Variants in YES1 observed in about 807,000 individuals in gnomAD.
YES1 encodes the protein tyrosine-protein kinase Yes.
A neutral mutation model predicts 70.4 loss-of-function variants in YES1; 39 were observed. The ratio of observed to expected loss-of-function variants is 0.55; its 90% CI spans 0.43 to 0.72. The LOEUF (loss-of-function observed/expected upper bound fraction) is 0.72. Among genes scored for constraint, YES1 ranks in the 30% least tolerant of loss-of-function variants. The probability of loss-of-function intolerance (pLI) is 0.00; values close to 1 mark genes in which losing one functional copy is unlikely to be tolerated. For missense variants in YES1, 495 were observed against 644.8 expected (o/e 0.77, Z 2.52); for synonymous variants, 198 against 218.6 (o/e 0.91, Z 0.83).
At chr18:759,899 C>G (rs11081341) in intron 1 of YES1, among the ~76,000 whole-genome samples, 15,061 of 145,876 alleles carry the variant, frequency 0.1, 891 homozygotes, top group East Asian at 0.28. Context: ...ATGATGTTCC[C>G]CTTCCTGTGT....
chr18:787,687 G>A (rs928551144), intron 1 of YES1, among the ~76,000 whole-genome samples: 1 of 151,766 alleles, frequency 6.6e-6, no homozygotes, highest in African/African-American at 2.4e-5. Flanking sequence ...TTCAGCCTGG[G>A]CAACAGAGTG....
At chr18:782,362 G>GC (rs1241824164) in intron 1 of YES1, among the ~76,000 whole-genome samples, 5 of 152,096 alleles carry the variant, frequency 3.3e-5, no homozygotes, top group African/African-American at 1.2e-4. Context: ...TGGATCAGCC[G>GC]CCTCCCTCTG....
intron 11 of YES1, among the ~76,000 whole-genome samples, chr18:727,388 T>C (rs2080033248): frequency 6.6e-6 from 1 of 152,224 alleles, no homozygotes; most frequent in Non-Finnish European, 1.5e-5. Flanking sequence ...ATAGTATTTG[T>C]GTATGTGTTT....
chr18:772,084 A>AGTG (rs2145779815), intron 1 of YES1, among the ~76,000 whole-genome samples: 2 of 152,198 alleles, frequency 1.3e-5, no homozygotes, highest in Admixed American at 1.3e-4. Context: ...GCTGGAGTGC[A>AGTG]ATGCCACGAT....
chr18:770,191 G>A (rs988234569), intron 1 of YES1, among the ~76,000 whole-genome samples: 5 of 151,450 alleles, frequency 3.3e-5, no homozygotes, highest in Admixed American at 2.0e-4. Flanking sequence ...ATCTCCTGAC[G>A]TCGTGATCTG....
chr18:751,841 G>A, intron 2 of YES1, 37 bp from the exon 3 acceptor site: 4 of 1,185,148 alleles, frequency 3.4e-6, no homozygotes, highest in South Asian at 1.3e-5. Context: ...AAATTATGTA[G>A]CTAACTTAAC....
At chr18:788,039 T>C (rs1029747587) in intron 1 of YES1, 2 of 152,228 alleles carry the variant, frequency 1.3e-5, no homozygotes, top group Admixed American at 6.5e-5. Flanking sequence ...GCACGCTGAC[T>C]GTTTCCAGCC....
In YES1 at chr18:723,472, G is replaced by A. The variant is rs1410243392; in HGVS notation, c.*952C>T. The A allele has an allele frequency of 6.6e-6, 1 of 152,486 alleles. No homozygotes were observed. Among genetic ancestry groups the A allele is most frequent in the Admixed American group, 6.6e-5 (1 of 15,264 alleles). 9.4% of individuals were successfully genotyped at this position (152,486 alleles called of 1,614,324 possible). A position where few individuals can be genotyped will look rare whatever the true frequency, so the allele number is the denominator to read the frequency against. ...TCACCATGAGCAAAAGTGCATTCAA[G>A]TCCCTGATCTGGTCATATTTTCTAT... On this transcript the variant is annotated 3_prime_UTR_variant, in exon 12 of 12. Transcript: ENST00000314574.
intron 2 of YES1, among the ~76,000 whole-genome samples, chr18:754,168 T>C (rs1296683225): frequency 6.6e-6 from 1 of 152,162 alleles, no homozygotes; most frequent in Admixed American, 6.5e-5. Context: ...TCTTCAGCAG[T>C]TTCTTCCTAG....
intron 1 of YES1, among the ~76,000 whole-genome samples, chr18:762,273 T>C (rs1372833592): frequency 6.6e-6 from 1 of 152,176 alleles, no homozygotes; most frequent in African/African-American, 2.4e-5. Flanking sequence ...TGAGCCGAGA[T>C]TGCGTCATTG....
At chr18:734,017 G>A (rs9635867) in intron 10 of YES1, among the ~76,000 whole-genome samples, 18,175 of 152,144 alleles carry the variant, frequency 0.12, 1,223 homozygotes, top group East Asian at 0.27. Context: ...AGTGGCTCAC[G>A]CCTATAATCC....
chr18:741,934 G>A (rs940154391), intron 8 of YES1, among the ~76,000 whole-genome samples: 1 of 152,180 alleles, frequency 6.6e-6, no homozygotes, highest in Admixed American at 6.5e-5. Flanking sequence ...TCAATTAATA[G>A]GCTGTATAAT....
intron 11 of YES1, among the ~76,000 whole-genome samples, chr18:731,855 T>C (rs1453411628): frequency 1.3e-5 from 2 of 150,638 alleles, no homozygotes; most frequent in Non-Finnish European, 2.9e-5. Flanking sequence ...TAGTCCTAGC[T>C]ACTCGGGAGG....
chr18:739,121 G>A (rs2080188607), intron 9 of YES1: 1 of 152,194 alleles, frequency 6.6e-6, no homozygotes, highest in African/African-American at 2.4e-5. Context: ...CACCGCACCT[G>A]GCCTGGAAAC....
At chr18:785,287 G>A (rs1029127147) in intron 1 of YES1, among the ~76,000 whole-genome samples, 9 of 152,196 alleles carry the variant, frequency 5.9e-5, no homozygotes, top group Non-Finnish European at 1.2e-4. Context: ...AACTCTCAAA[G>A]TAAAACCAAG....
intron 1 of YES1, among the ~76,000 whole-genome samples, chr18:803,732 C>T (rs1457518929): frequency 1.3e-5 from 2 of 152,144 alleles, no homozygotes; most frequent in Non-Finnish European, 2.9e-5. Flanking sequence ...AGGAGGGTGA[C>T]TGGCAAGGCT....
chr18:787,845 A>C (rs1011586593), intron 1 of YES1: 1 of 152,226 alleles, frequency 6.6e-6, no homozygotes, highest in African/African-American at 2.4e-5. Flanking sequence ...TGGATAAAAA[A>C]GACTGATATT....
chr18:780,569 G>T (rs556963775), intron 1 of YES1, among the ~76,000 whole-genome samples: 79 of 152,190 alleles, frequency 5.2e-4, no homozygotes, highest in African/African-American at 1.8e-3. Context: ...CTCCAGATCT[G>T]TAAGAAATAA....
intron 1 of YES1, among the ~76,000 whole-genome samples, chr18:771,756 C>T (rs1462080943): frequency 6.6e-6 from 1 of 152,064 alleles, no homozygotes; most frequent in African/African-American, 2.4e-5. Context: ...TGTCATGTTG[C>T]CCAGGCTGGG....
Sources: allele counts gnomAD v4.1 joint callset (sites outside exome capture counted in the v4.1 genomes callset), GRCh38; gene constraint gnomAD v4.1.1; transcripts MANE v1.5; gene names NCBI Gene and HGNC (gene_info 2026-07-23, HGNC 2026-07-21).